Variants in FAT4 observed in about 807,000 individuals in gnomAD.
The protein encoded by FAT4 is protocadherin Fat 4.
FAT4 carries 84 observed loss-of-function variants against 303.9 expected under a neutral mutation model. The ratio of observed to expected loss-of-function variants is 0.28; its 90% CI spans 0.23 to 0.33. The LOEUF is 0.33. FAT4 is among the 10% of genes least tolerant of loss of function. The probability of loss-of-function intolerance (pLI) is 1.00; values close to 1 mark genes in which losing one functional copy is unlikely to be tolerated. For synonymous variants in FAT4, 2,307 were observed against 2,298.8 expected, an observed-to-expected ratio of 1.00 and a Z score of -0.10; for missense variants, 6,005 against 6,146.8, an observed-to-expected ratio of 0.98 and a Z score of 0.77.
intron 2 of FAT4, among the ~76,000 whole-genome samples, chr4:125,390,545 T>C (rs1733940459): frequency 6.6e-6 from 1 of 152,230 alleles, no homozygotes; most frequent in Non-Finnish European, 1.5e-5. Flanking sequence ...TGTTTCACTC[T>C]GGTGAATAAA....
chr4:125,383,668 A>G (rs1733622893), intron 2 of FAT4, among the ~76,000 whole-genome samples: 1 of 152,172 alleles, frequency 6.6e-6, no homozygotes, highest in African/African-American at 2.4e-5. Context: ...ACAATATGCA[A>G]ATATCTGTGA....
chr4:125,416,167 C>A (rs1735052698), intron 6 of FAT4, among the ~76,000 whole-genome samples: 1 of 151,782 alleles, frequency 6.6e-6, no homozygotes, highest in African/African-American at 2.4e-5. Flanking sequence ...TTGTTCTACT[C>A]TTTTCCTTCA....
chr4:125,375,465 A>G (rs528195166), intron 2 of FAT4, among the ~76,000 whole-genome samples: 158 of 152,318 alleles, frequency 1.0e-3, no homozygotes, highest in African/African-American at 3.6e-3. Context: ...CATGTCACTG[A>G]CATTCTTGCC....
intron 2 of FAT4, among the ~76,000 whole-genome samples, chr4:125,370,760 ATTTTCAAAG>A (rs962812823): frequency 1.3e-5 from 2 of 152,160 alleles, no homozygotes; most frequent in African/African-American, 2.4e-5. Context: ...AATTTTCAAA[ATTTTCAAAG>A]TTTGAAAATT....
intron 10 of FAT4, among the ~76,000 whole-genome samples, chr4:125,459,230 C>T (rs1726399073): frequency 6.6e-6 from 1 of 151,890 alleles, no homozygotes; most frequent in African/African-American, 2.4e-5. Context: ...ATGGAGTGGT[C>T]CAATTTAGCA....
chr4:125,380,575 A>G (rs1428523661), intron 2 of FAT4, among the ~76,000 whole-genome samples: 1 of 152,218 alleles, frequency 6.6e-6, no homozygotes, highest in Non-Finnish European at 1.5e-5. Flanking sequence ...ATTGTAATTT[A>G]TTCTCTTATT....
At chr4:125,369,531 C>T (rs1344057442) in intron 2 of FAT4, among the ~76,000 whole-genome samples, 1 of 152,162 alleles carries the variant, frequency 6.6e-6, no homozygotes, top group Non-Finnish European at 1.5e-5. Flanking sequence ...TTACCATCAT[C>T]TGTATTAATT....
chr4:125,433,034 G>T (rs1240767565), intron 7 of FAT4, among the ~76,000 whole-genome samples: 3 of 152,132 alleles, frequency 2.0e-5, no homozygotes, highest in African/African-American at 7.2e-5. Flanking sequence ...ACACATCTGA[G>T]CATAAAAGCT....
chr4:125,330,685 G>T (rs899664005), intron 2 of FAT4, among the ~76,000 whole-genome samples: 11 of 152,186 alleles, frequency 7.2e-5, no homozygotes, highest in Non-Finnish European at 1.5e-4. Context: ...CACAATATAA[G>T]TTTCTGTTGA....
intron 7 of FAT4, among the ~76,000 whole-genome samples, chr4:125,418,618 A>G (rs1267346833): frequency 3.3e-5 from 5 of 152,172 alleles, no homozygotes; most frequent in African/African-American, 4.8e-5. Context: ...ACAGACTACA[A>G]TTCCATTACT....
intron 2 of FAT4, among the ~76,000 whole-genome samples, chr4:125,378,341 A>G (rs148106049): frequency 6.6e-5 from 10 of 152,246 alleles, no homozygotes; most frequent in Non-Finnish European, 1.0e-4. Context: ...TATAACAGAC[A>G]CATAGTAACT....
intron 2 of FAT4, among the ~76,000 whole-genome samples, chr4:125,327,432 A>G (rs991453468): frequency 2.0e-5 from 3 of 152,210 alleles, no homozygotes; most frequent in African/African-American, 7.2e-5. Flanking sequence ...ACTGCTTCCT[A>G]TGTGTTTGAA....
chr4:125,487,683 A>C (rs1560637241), intron 17 of FAT4, 77 bp downstream of exon 17: 1 of 1,403,380 alleles, frequency 7.1e-7, no homozygotes, highest in African/African-American at 1.4e-5. Context: ...TCTTGTGGCA[A>C]GACTACACAT....
intron 7 of FAT4, among the ~76,000 whole-genome samples, chr4:125,425,720 G>C (rs1288003510): frequency 1.3e-5 from 2 of 151,982 alleles, no homozygotes; most frequent in African/African-American, 4.8e-5. Context: ...TTGAATTTGG[G>C]GGTAGGAGAT....
intron 2 of FAT4, among the ~76,000 whole-genome samples, chr4:125,378,054 A>C (rs1733399057): frequency 6.6e-6 from 1 of 152,086 alleles, no homozygotes; most frequent in East Asian, 1.9e-4. Context: ...TAGACAATTA[A>C]AAACTTCGAT....
rs11940920 is a variant in FAT4 at position 125,400,868 on chromosome 4, A to G, written c.5307+1953A>G. Reference sequence around the variant, plus strand: ...ATTAGGGCCAGAAAAGTATAAGGCTATAATGTTGGAATGAACAAGAGAATT... The same window carrying G: ...ATTAGGGCCAGAAAAGTATAAGGCTGTAATGTTGGAATGAACAAGAGAATT... On this transcript the variant is annotated intron_variant, in intron 3 of 17. Transcript: ENST00000394329. 5.0e-3 allele frequency among the ~76,000 whole-genome samples: 758 copies of G among 152,142 alleles called. 9 individuals are homozygous for G. Among genetic ancestry groups the G allele is most frequent in the African/African-American group, 0.018 (732 of 41,560 alleles).
chr4:125,366,597 T>G (rs1364888092), intron 2 of FAT4, among the ~76,000 whole-genome samples: 2 of 152,206 alleles, frequency 1.3e-5, no homozygotes, highest in Non-Finnish European at 2.9e-5. Context: ...ATGATGCATA[T>G]TCCTTTGGGT....
Position 125,449,518 on chromosome 4 carries a change from T to C in FAT4, c.8508T>C (p.Asn2836=), listed in dbSNP as rs1033806890. ...ATATTGTCATAAGCAGACCTTTAAA[T>C]AGGGAAGATACAGACCGTTACAGAA... ...TGDIVISRPL[N]REDTDRYRIR... Residue 2836 remains asparagine (N), a synonymous_variant, in exon 10 of 18, where the codon AAT becomes AAC. Transcript: ENST00000394329. 3 of 1,613,852 alleles carry C rather than the reference T, an allele frequency of 1.9e-6. No homozygotes were observed. The highest frequency in any genetic ancestry group is 2.2e-5 in the East Asian group (1 of 44,848).
At chr4:125,420,553 T>A (rs1391723284) in intron 7 of FAT4, among the ~76,000 whole-genome samples, 1 of 152,230 alleles carries the variant, frequency 6.6e-6, no homozygotes, top group Non-Finnish European at 1.5e-5. Context: ...TCATTTTTAA[T>A]TCATGGCTGA....
Sources: allele counts gnomAD v4.1 joint callset (sites outside exome capture counted in the v4.1 genomes callset), GRCh38; gene constraint gnomAD v4.1.1; transcripts MANE v1.5; gene names NCBI Gene and HGNC (gene_info 2026-07-23, HGNC 2026-07-21).